KIRREL1: variants seen among roughly 807,000 people sequenced by gnomAD.
The protein encoded by KIRREL1 is kin of IRRE-like protein 1.
A neutral mutation model predicts 83.3 loss-of-function variants in KIRREL1; 25 were observed. The observed-to-expected ratio is 0.30, with a 90% CI of 0.22 to 0.42. The LOEUF (loss-of-function observed/expected upper bound fraction) is 0.42, where lower values mean the gene tolerates loss of function less well. KIRREL1 is among the 10% of genes least tolerant of loss of function. KIRREL1 has a pLI of 1.00. For synonymous variants in KIRREL1, 388 were observed against 410.4 expected, an observed-to-expected ratio of 0.95 and a Z score of 0.66; for missense variants, 812 against 1,032.3, an observed-to-expected ratio of 0.79 and a Z score of 2.92.
chr1:158,091,432 C>T lies in KIRREL1; in HGVS notation c.1347C>T (p.Gly449=). The change falls in exon 11 of 15, where the codon GGC becomes GGT. Residue 449 remains glycine, a synonymous_variant. Coordinates refer to ENST00000359209, the MANE Select transcript of KIRREL1 (RefSeq NM_018240.7). ...ERYTVERTNS[G]SGVLSTLTIN... Reference sequence around the variant, plus strand: ...ATACAGTGGAGAGGACCAACTCAGGCAGTGGGGTGCTATCCACGCTCACCA... The same window carrying T: ...ATACAGTGGAGAGGACCAACTCAGGTAGTGGGGTGCTATCCACGCTCACCA... The T allele has an allele frequency of 5.6e-6, 9 of 1,614,092 alleles. No individual in the cohort carries two copies. Among genetic ancestry groups the T allele is most frequent in the Non-Finnish European group, 7.6e-6 (9 of 1,179,964 alleles).
At chr1:158,072,680 C>T in intron 1 of KIRREL1, among the ~76,000 whole-genome samples, 1 of 151,962 alleles carries the variant, frequency 6.6e-6, no homozygotes, top group East Asian at 1.9e-4. Flanking sequence ...AGGAACAATG[C>T]TGGGTGGAAC....
At chr1:158,028,517 T>C (rs1209015333) in intron 1 of KIRREL1, among the ~76,000 whole-genome samples, 1 of 152,224 alleles carries the variant, frequency 6.6e-6, no homozygotes, top group Non-Finnish European at 1.5e-5. Context: ...CTCTGGAGTA[T>C]TCATTCCATT....
rs766897885 is a variant in KIRREL1, at chr1:158,096,731, A to G, written c.*1611A>G. On this transcript the variant is annotated 3_prime_UTR_variant, in exon 15 of 15. Coordinates refer to ENST00000359209, the MANE Select transcript of KIRREL1 (RefSeq NM_018240.7). The stretch of plus-strand genomic sequence containing the variant: ...TCTGACCAAAGAGAACAGGCGCTCC[A>G]AGGAGAACCTGTACCCCTGCCCCAG... 2 of 456,706 alleles carry G rather than the reference A, an allele frequency of 4.4e-6. No individual in the cohort carries two copies. The highest frequency in any genetic ancestry group is 1.5e-5 in the South Asian group (1 of 64,564). 28.3% of individuals were successfully genotyped at this position (456,706 alleles called of 1,614,324 possible).
chr1:158,073,347 T>C (rs943039222), intron 1 of KIRREL1, among the ~76,000 whole-genome samples: 2 of 152,248 alleles, frequency 1.3e-5, no homozygotes, highest in African/African-American at 4.8e-5. Context: ...TTCTTTGTCA[T>C]GTTCCTATTC....
chr1:158,022,129 G>C lies in KIRREL1; in HGVS notation c.52+28401G>C, dbSNP rs894982126. On this transcript the variant is annotated intron_variant, in intron 1 of 14. Coordinates refer to ENST00000359209, the MANE Select transcript of KIRREL1 (RefSeq NM_018240.7). The stretch of plus-strand genomic sequence containing the variant: ...GCTATTTTGGGTTCTGGAGAAGTGG[G>C]TCAACATAATGAAGTTTGGGAGGCT... Among the ~76,000 whole-genome samples, 6 of 152,058 alleles carry C rather than the reference G, an allele frequency of 3.9e-5. No homozygotes were observed. The East Asian group carries it at 1.2e-3, about 29-fold the overall frequency.
intron 1 of KIRREL1, among the ~76,000 whole-genome samples, chr1:158,054,647 G>A (rs918521176): frequency 4.6e-5 from 7 of 152,056 alleles, no homozygotes; most frequent in African/African-American, 1.4e-4. Flanking sequence ...CCTCACCCAC[G>A]GTCTCCCTGG....
chr1:158,056,247 C>T (rs376984143), intron 1 of KIRREL1, among the ~76,000 whole-genome samples: 8 of 152,240 alleles, frequency 5.3e-5, no homozygotes, highest in African/African-American at 1.9e-4. Flanking sequence ...GGCGCTCTTT[C>T]CCCATCCTGC....
intron 1 of KIRREL1, among the ~76,000 whole-genome samples, chr1:158,039,795 A>G (rs886812038): frequency 6.6e-6 from 1 of 152,106 alleles, no homozygotes; most frequent in African/African-American, 2.4e-5. Flanking sequence ...AGATGTTGCT[A>G]CCTGTGTTGG....
chr1:158,007,563 C>T lies in KIRREL1; in HGVS notation c.52+13835C>T, dbSNP rs984891843. ...TTGCACACACACAGGCAGAGCCCCCCGACACCTCAGGAGAGGACTGGGGTG... is the reference window on the plus strand; with the variant it reads ...TTGCACACACACAGGCAGAGCCCCCTGACACCTCAGGAGAGGACTGGGGTG... On this transcript the variant is annotated intron_variant, in intron 1 of 14. Coordinates refer to ENST00000359209, the MANE Select transcript of KIRREL1 (RefSeq NM_018240.7). 3.3e-5 allele frequency among the ~76,000 whole-genome samples: 5 copies of T among 152,148 alleles called. No homozygotes were observed. In the East Asian group the frequency reaches 9.7e-4, roughly 29 times the overall value.
chr1:158,053,984 G>A (rs1024820083), intron 1 of KIRREL1, among the ~76,000 whole-genome samples: 2 of 151,560 alleles, frequency 1.3e-5, no homozygotes, highest in African/African-American at 2.4e-5. Flanking sequence ...AAGCTGAGGC[G>A]GGTGGATCAC....
At chr1:158,056,603 G>T (rs927996021) in intron 1 of KIRREL1, among the ~76,000 whole-genome samples, 3 of 152,170 alleles carry the variant, frequency 2.0e-5, no homozygotes, top group African/African-American at 4.8e-5. Flanking sequence ...CTCTCCCTTG[G>T]CCCTGGTCAC....
intron 10 of KIRREL1, 72 bp from the exon 11 acceptor site, chr1:158,091,286 T>C: frequency 1.4e-6 from 2 of 1,434,606 alleles, no homozygotes; most frequent in African/African-American, 1.4e-5. Context: ...TGAGGGTGGA[T>C]CAGGGGACAC....
At chr1:158,088,476 CTTTTTTT>C (rs139451609) in intron 8 of KIRREL1, 22 bp downstream of exon 8, 1,401 of 829,548 alleles carry the variant, frequency 1.7e-3, no homozygotes, top group East Asian at 3.3e-3. Context: ...ACTGCCTGTT[CTTTTTTT>C]TTTTTTTTTT....
chr1:158,060,963 C>G (rs990654526), intron 1 of KIRREL1, among the ~76,000 whole-genome samples: 2 of 152,118 alleles, frequency 1.3e-5, no homozygotes, highest in African/African-American at 4.8e-5. Flanking sequence ...GGTTAAACTG[C>G]TCCTGTCCCC....
chr1:158,029,377 G>GCA (rs1557995115), intron 1 of KIRREL1, among the ~76,000 whole-genome samples: 1 of 151,254 alleles, frequency 6.6e-6, no homozygotes, highest in Non-Finnish European at 1.5e-5. Context: ...GCACGTGCGC[G>GCA]CGCATGCACA....
intron 3 of KIRREL1, among the ~76,000 whole-genome samples, chr1:158,083,527 A>G (rs573679719): frequency 6.6e-6 from 1 of 152,340 alleles, no homozygotes; most frequent in Admixed American, 6.5e-5. Context: ...AAATGCTTGG[A>G]ACTTATGCCC....
intron 1 of KIRREL1, among the ~76,000 whole-genome samples, chr1:158,074,629 C>A (rs12138119): frequency 6.6e-6 from 1 of 151,956 alleles, no homozygotes. Context: ...GTGACGCGAC[C>A]GGTTATATTT....
intron 1 of KIRREL1, among the ~76,000 whole-genome samples, chr1:158,060,663 CA>C (rs1259802088): frequency 6.6e-6 from 1 of 152,170 alleles, no homozygotes; most frequent in Non-Finnish European, 1.5e-5. Flanking sequence ...CCTCATCAGT[CA>C]TATGGGGCAG....
chr1:158,052,793 AAG>A (rs559715620), intron 1 of KIRREL1, among the ~76,000 whole-genome samples: 4 of 152,124 alleles, frequency 2.6e-5, no homozygotes, highest in South Asian at 2.1e-4. Flanking sequence ...TTCAAAAAAA[AAG>A]AGAGAGAGAT....
Sources: allele counts gnomAD v4.1 joint callset (sites outside exome capture counted in the v4.1 genomes callset), GRCh38; gene constraint gnomAD v4.1.1; transcripts MANE v1.5; gene names NCBI Gene and HGNC (gene_info 2026-07-23, HGNC 2026-07-21).